Variants in ATP2C1 observed in about 807,000 individuals in gnomAD.
The protein encoded by ATP2C1 is ATPase secretory pathway Ca2+ transporting 1.
ATP2C1 carries 31 observed loss-of-function variants against 120.5 expected under a neutral mutation model. The ratio of observed to expected loss-of-function variants is 0.26; its 90% CI spans 0.19 to 0.35. The LOEUF is 0.35. ATP2C1 is among the 10% of genes least tolerant of loss of function. The pLI is 1.00. For synonymous variants in ATP2C1, 351 were observed against 358.7 expected, an observed-to-expected ratio of 0.98 and a Z score of 0.24; for missense variants, 731 against 1,107.5, an observed-to-expected ratio of 0.66 and a Z score of 4.83.
intron 1 of ATP2C1, among the ~76,000 whole-genome samples, chr3:130,863,451 G>C (rs1320076582): frequency 6.6e-6 from 1 of 152,032 alleles, no homozygotes; most frequent in African/African-American, 2.4e-5. Context: ...CACACACACA[G>C]AGAAAGACTG....
chr3:130,998,027 T>C (rs1450472056), intron 25 of ATP2C1, among the ~76,000 whole-genome samples: 4 of 152,104 alleles, frequency 2.6e-5, no homozygotes, highest in African/African-American at 7.2e-5. Flanking sequence ...CTTAAAATCA[T>C]AGAGCCACTT....
chr3:131,012,446 C>T (rs776590358), intron 26 of ATP2C1, among the ~76,000 whole-genome samples: 14 of 151,574 alleles, frequency 9.2e-5, no homozygotes, highest in Admixed American at 5.9e-4. Flanking sequence ...TTAGTAGAGA[C>T]GGGGTTTCAC....
intron 17 of ATP2C1, among the ~76,000 whole-genome samples, chr3:130,970,870 G>A (rs1202152453): frequency 6.6e-6 from 1 of 152,088 alleles, no homozygotes; most frequent in Non-Finnish European, 1.5e-5. Flanking sequence ...TTAAAAGAAA[G>A]GCCAGGTTGG....
intron 2 of ATP2C1, among the ~76,000 whole-genome samples, chr3:130,906,392 A>C (rs1187697594): frequency 6.6e-6 from 1 of 152,114 alleles, no homozygotes; most frequent in Non-Finnish European, 1.5e-5. Flanking sequence ...TTTGCGATGA[A>C]ATAATATTCC....
chr3:130,961,940 C>G (rs186067114), intron 12 of ATP2C1, among the ~76,000 whole-genome samples: 1 of 151,996 alleles, frequency 6.6e-6, no homozygotes, highest in Non-Finnish European at 1.5e-5. Flanking sequence ...TCTTCTCAAA[C>G]ACCTTAATTT....
intron 1 of ATP2C1, among the ~76,000 whole-genome samples, chr3:130,859,909 T>C (rs952121938): frequency 2.0e-5 from 3 of 152,178 alleles, no homozygotes; most frequent in African/African-American, 7.2e-5. Flanking sequence ...ATGACAAATA[T>C]CACAAGCATC....
chr3:130,924,025 C>T (rs911236441), intron 2 of ATP2C1, among the ~76,000 whole-genome samples: 1 of 152,022 alleles, frequency 6.6e-6, no homozygotes, highest in African/African-American at 2.4e-5. Context: ...ATCCATTCTT[C>T]CATTCTGTAT....
chr3:131,014,267 G>A (rs750679691), intron 26 of ATP2C1: 1 of 1,613,826 alleles, frequency 6.2e-7, no homozygotes, highest in Non-Finnish European at 8.5e-7. Context: ...ATGACCTTGT[G>A]GCATTGAATA....
At chr3:130,959,056 G>A (rs1362573735) in intron 11 of ATP2C1, among the ~76,000 whole-genome samples, 1 of 152,140 alleles carries the variant, frequency 6.6e-6, no homozygotes, top group East Asian at 1.9e-4. Context: ...TGTGGTGTGT[G>A]TGTGCACACA....
intron 20 of ATP2C1, among the ~76,000 whole-genome samples, chr3:130,982,617 T>C (rs1275837580): frequency 1.3e-5 from 2 of 152,244 alleles, no homozygotes; most frequent in African/African-American, 2.4e-5. Context: ...GAATTTATTT[T>C]ATTAGCTATT....
rs1316658 is a variant in ATP2C1, at chr3:130,850,713, T to G, written c.-108T>G. ...TTTGCTTTGTTTGTAGGAGGGAAGTTGTCGAGCTACAAACAAATCTTTAGG... is the reference window on the plus strand; with the variant it reads ...TTTGCTTTGTTTGTAGGAGGGAAGTGGTCGAGCTACAAACAAATCTTTAGG... On this transcript the variant is annotated 5_prime_UTR_variant, in exon 1 of 27. Transcript: ENST00000504381. 359,959 of 507,568 alleles carry G rather than the reference T, an allele frequency of 0.71. 128,837 individuals are homozygous for G. The highest frequency in any genetic ancestry group is 0.84 in the African/African-American group (42,175 of 50,152). The allele number at this position is 507,568 out of a possible 1,614,324, so 31.4% of individuals were successfully genotyped here.
At chr3:130,919,568 A>G (rs2058857377) in intron 2 of ATP2C1, among the ~76,000 whole-genome samples, 1 of 152,020 alleles carries the variant, frequency 6.6e-6, no homozygotes, top group South Asian at 2.1e-4. Context: ...CATATATTCC[A>G]CATTTTAAAA....
intron 20 of ATP2C1, among the ~76,000 whole-genome samples, chr3:130,990,272 A>AAC (rs1553779030): frequency 2.9e-5 from 3 of 102,072 alleles, no homozygotes; most frequent in Non-Finnish European, 4.0e-5. Flanking sequence ...CTTAAGAGCA[A>AAC]CCCCCCCCCC....
chr3:130,970,191 G>T (rs551505725), intron 17 of ATP2C1, among the ~76,000 whole-genome samples: 1 of 152,128 alleles, frequency 6.6e-6, no homozygotes, highest in Admixed American at 6.5e-5. Flanking sequence ...GGTGGTGTGT[G>T]CCTGTAGTCC....
At chr3:130,876,790 T>C (rs191564429) in intron 1 of ATP2C1, among the ~76,000 whole-genome samples, 1 of 151,366 alleles carries the variant, frequency 6.6e-6, no homozygotes, top group Non-Finnish European at 1.5e-5. Context: ...ACTATTTGTT[T>C]CATCAGCATT....
At chr3:130,921,895 A>G (rs1272568728) in intron 2 of ATP2C1, among the ~76,000 whole-genome samples, 1 of 152,066 alleles carries the variant, frequency 6.6e-6, no homozygotes, top group African/African-American at 2.4e-5. Context: ...TTGCATCTAT[A>G]TTTATTAAGG....
intron 2 of ATP2C1, chr3:130,928,388 GA>G (rs1389425785): frequency 6.6e-6 from 1 of 152,092 alleles, no homozygotes; most frequent in African/African-American, 2.4e-5. Flanking sequence ...CAGCTACTTT[GA>G]GCCCATGGAA....
At chr3:130,953,675 T>C in intron 8 of ATP2C1, 146 bp from the exon 9 acceptor site, 1 of 831,974 alleles carries the variant, frequency 1.2e-6, no homozygotes, top group Non-Finnish European at 2.0e-6. Flanking sequence ...GTACTGATTC[T>C]GGTCTTTTAG....
At chr3:130,914,796 C>A (rs1269322740) in intron 2 of ATP2C1, among the ~76,000 whole-genome samples, 1 of 152,204 alleles carries the variant, frequency 6.6e-6, no homozygotes, top group East Asian at 1.9e-4. Context: ...ATCCCTTTCA[C>A]GTTCTACCTC....
Sources: gnomAD v4.1 joint callset for allele counts (sites outside exome capture counted in the v4.1 genomes callset) on GRCh38, gnomAD v4.1.1 for gene constraint, MANE v1.5 for transcripts, NCBI Gene and HGNC (gene_info 2026-07-23, HGNC 2026-07-21) for gene names.